ROBO1: variants seen among roughly 807,000 people sequenced by gnomAD.
ROBO1 encodes the protein roundabout homolog 1.
A neutral mutation model predicts 195.9 loss-of-function variants in ROBO1; 149 were observed. That is an observed-to-expected ratio of 0.76 (90% confidence interval 0.67 to 0.87). ROBO1 has a LOEUF of 0.87. Among genes scored for constraint, ROBO1 ranks in the 40% least tolerant of loss-of-function variants. The pLI is 0.00. For missense variants in ROBO1, 1,933 were observed against 2,068.3 expected (o/e 0.93, Z 1.27); for synonymous variants, 816 against 733.2 (o/e 1.11, Z -1.82).
At chr3:79,400,492 T>C (rs1192249288) in intron 2 of ROBO1, among the ~76,000 whole-genome samples, 2 of 152,114 alleles carry the variant, frequency 1.3e-5, no homozygotes, top group African/African-American at 2.4e-5. Flanking sequence ...ACTTCTACTT[T>C]GAAGGCTTCA....
intron 2 of ROBO1, among the ~76,000 whole-genome samples, chr3:79,503,733 A>G (rs1231071821): frequency 6.6e-6 from 1 of 152,214 alleles, no homozygotes; most frequent in East Asian, 1.9e-4. Flanking sequence ...TCAGTCTACT[A>G]TATAAAATGA....
intron 2 of ROBO1, among the ~76,000 whole-genome samples, chr3:79,392,922 G>T (rs1575765404): frequency 6.6e-6 from 1 of 152,170 alleles, no homozygotes; most frequent in South Asian, 2.1e-4. Flanking sequence ...CACAAATTAT[G>T]AAGAGCTGTC....
chr3:79,345,626 G>A (rs934944130), intron 2 of ROBO1, among the ~76,000 whole-genome samples: 1 of 152,056 alleles, frequency 6.6e-6, no homozygotes, highest in Non-Finnish European at 1.5e-5. Context: ...GACCCACACC[G>A]TTTTTGCTTT....
intron 3 of ROBO1, among the ~76,000 whole-genome samples, chr3:79,060,621 C>T (rs2078899319): frequency 6.6e-6 from 1 of 151,944 alleles, no homozygotes; most frequent in South Asian, 2.1e-4. Flanking sequence ...AAACTGAATC[C>T]AGCAGCAGAT....
In ROBO1 at chr3:78,715,779, G is replaced by A. The variant is rs191771096; in HGVS notation, c.918-1255C>T. On this transcript the variant is annotated intron_variant, in intron 7 of 30. Coordinates refer to ENST00000464233, the MANE Select transcript of ROBO1 (RefSeq NM_002941.4). ...TCGAACTCCTGACCTCAGGTGATCCGCCCTCCTCGGCCTCCCAAAGTGCTC... is the reference window on the plus strand; with the variant it reads ...TCGAACTCCTGACCTCAGGTGATCCACCCTCCTCGGCCTCCCAAAGTGCTC... 9.2e-4 allele frequency among the ~76,000 whole-genome samples: 140 copies of A among 152,174 alleles called. 1 individual carries two copies. Among genetic ancestry groups the A allele is most frequent in the African/African-American group, 2.9e-3 (120 of 41,526 alleles).
At chr3:78,677,372 G>C (rs1397670677) in intron 10 of ROBO1, among the ~76,000 whole-genome samples, 4 of 152,216 alleles carry the variant, frequency 2.6e-5, no homozygotes, top group South Asian at 4.1e-4. Flanking sequence ...AAAAGACACA[G>C]ACTGGCAAAT....
chr3:78,654,710 G>A (rs2107634958), intron 18 of ROBO1, among the ~76,000 whole-genome samples: 1 of 152,268 alleles, frequency 6.6e-6, no homozygotes, highest in East Asian at 1.9e-4. Flanking sequence ...TTAAGATATG[G>A]AAAAATGGAA....
At chr3:79,132,786 C>G (rs1304701697) in intron 2 of ROBO1, among the ~76,000 whole-genome samples, 1 of 38,280 alleles carries the variant, frequency 2.6e-5, no homozygotes, top group African/African-American at 1.4e-4. Context: ...TCTCAATGGT[C>G]TTTACATTTT....
In ROBO1 at chr3:78,711,311, CTT is replaced by C. The variant is rs766838081; in HGVS notation, c.1045+3084_1045+3085del. ...TTTCTTTCTTTCTCTTTCTTTCTTT[CTT>C]TCTCTCTCTCTCTCCTTCCTTCCTT... is the stretch of plus-strand genomic sequence containing the variant. On this transcript the variant is annotated intron_variant, in intron 8 of 30. Coordinates refer to ENST00000464233, the MANE Select transcript of ROBO1 (RefSeq NM_002941.4). 9.7e-4 allele frequency among the ~76,000 whole-genome samples: 143 copies of C among 147,244 alleles called. 1 individual carries two copies. Among genetic ancestry groups the C allele is most frequent in the African/African-American group, 3.1e-3 (120 of 39,120 alleles).
At chr3:79,409,703 C>A (rs190466455) in intron 2 of ROBO1, among the ~76,000 whole-genome samples, 19 of 152,200 alleles carry the variant, frequency 1.2e-4, no homozygotes, top group Non-Finnish European at 2.2e-4. Context: ...AGGTTGAAAC[C>A]CATGAGTCTA....
chr3:79,540,738 C>G (rs149613716), intron 2 of ROBO1, among the ~76,000 whole-genome samples: 4 of 152,268 alleles, frequency 2.6e-5, no homozygotes, highest in Admixed American at 6.6e-5. Flanking sequence ...TCTGTTCCCA[C>G]AACATTTTGA....
intron 4 of ROBO1, among the ~76,000 whole-genome samples, chr3:78,816,308 T>C (rs917260104): frequency 4.6e-5 from 7 of 152,032 alleles, no homozygotes; most frequent in African/African-American, 1.2e-4. Context: ...AGACCTACTA[T>C]GCAAAAAAAT....
intron 2 of ROBO1, among the ~76,000 whole-genome samples, chr3:79,232,036 C>A (rs1359706736): frequency 6.6e-6 from 1 of 151,680 alleles, no homozygotes; most frequent in African/African-American, 2.4e-5. Context: ...GACACATACA[C>A]ACAGGGGCCT....
chr3:79,462,576 G>T (rs1937708715), intron 2 of ROBO1, among the ~76,000 whole-genome samples: 1 of 152,086 alleles, frequency 6.6e-6, no homozygotes, highest in African/African-American at 2.4e-5. Context: ...GCACTTTTGT[G>T]TAGAATTACT....
intron 2 of ROBO1, among the ~76,000 whole-genome samples, chr3:79,459,254 T>G (rs2039720980): frequency 1.3e-5 from 2 of 152,154 alleles, no homozygotes; most frequent in Admixed American, 1.3e-4. Context: ...CACAATTCTC[T>G]TTAAAATGTA....
intron 1 of ROBO1, among the ~76,000 whole-genome samples, chr3:79,718,335 G>T (rs1460620420): frequency 6.6e-6 from 1 of 151,936 alleles, no homozygotes; most frequent in African/African-American, 2.4e-5. Context: ...TAAGCATTGA[G>T]AAATAATATT....
intron 18 of ROBO1, among the ~76,000 whole-genome samples, chr3:78,653,726 G>C (rs1706821250): frequency 6.6e-6 from 1 of 152,224 alleles, no homozygotes; most frequent in Non-Finnish European, 1.5e-5. Context: ...TCTCCTAGGA[G>C]GGGGCATGTT....
chr3:79,249,510 AG>A (rs1419870424), intron 2 of ROBO1, among the ~76,000 whole-genome samples: 1 of 152,122 alleles, frequency 6.6e-6, no homozygotes, highest in Non-Finnish European at 1.5e-5. Context: ...AAACAATACT[AG>A]AGATTGTTAA....
At chr3:79,438,545 A>G (rs2038957540) in intron 2 of ROBO1, among the ~76,000 whole-genome samples, 1 of 152,040 alleles carries the variant, frequency 6.6e-6, no homozygotes, top group South Asian at 2.1e-4. Flanking sequence ...TTATTCTGGC[A>G]TATGGCCACT....
Sources: gnomAD v4.1 joint callset for allele counts (sites outside exome capture counted in the v4.1 genomes callset) on GRCh38, gnomAD v4.1.1 for gene constraint, MANE v1.5 for transcripts, NCBI Gene and HGNC (gene_info 2026-07-23, HGNC 2026-07-21) for gene names.